The following PCDHA7 variants were observed in gnomAD, a reference collection of about 807,000 sequenced individuals.
PCDHA7 encodes protocadherin alpha-7.
PCDHA7 carries 37 observed loss-of-function variants against 57.2 expected under a neutral mutation model. The observed-to-expected ratio is 0.65, with a 90% confidence interval of 0.50 to 0.85. The LOEUF is 0.85. PCDHA7 is among the 40% of genes least tolerant of loss of function. The probability of loss-of-function intolerance (pLI) is 0.00; values close to 1 mark genes in which losing one functional copy is unlikely to be tolerated. For synonymous variants in PCDHA7, 553 were observed against 558.8 expected, an observed-to-expected ratio of 0.99 and a Z score of 0.15; for missense variants, 1,188 against 1,241.8, an observed-to-expected ratio of 0.96 and a Z score of 0.65.
At chr5:140,906,502 CAAAG>C (rs1295778527) in intron 1 of PCDHA7, among the ~76,000 whole-genome samples, 1 of 152,180 alleles carries the variant, frequency 6.6e-6, no homozygotes, top group African/African-American at 2.4e-5. Context: ...ATGTTTTTAA[CAAAG>C]AAGGAGGAAA....
intron 1 of PCDHA7, chr5:140,881,353 G>C (rs537796043): frequency 1.0e-6 from 1 of 985,060 alleles, no homozygotes; most frequent in African/African-American, 1.7e-5. Flanking sequence ...GCTACAATGC[G>C]TGGCTTTCGT....
Position 140,843,584 on chromosome 5 carries a change from C to T in PCDHA7, c.2355+6846C>T. On this transcript the variant is annotated intron_variant, in intron 1 of 3. Coordinates refer to ENST00000525929, the MANE Select transcript of PCDHA7 (RefSeq NM_018910.3). The stretch of plus-strand genomic sequence containing the variant: ...GAGCTGGTCATACTCGCAACAACAG[C>T]CGCAGAGGGTGTGCTCTGGTGAGGG... 1.9e-6 allele frequency: 3 copies of T among 1,595,998 alleles called. No homozygotes were observed. In the East Asian group the frequency reaches 6.7e-5, roughly 36 times the overall value.
intron 1 of PCDHA7, among the ~76,000 whole-genome samples, chr5:140,906,797 A>G (rs2072940556): frequency 6.6e-6 from 1 of 151,964 alleles, no homozygotes; most frequent in African/African-American, 2.4e-5. Context: ...TTCCATGCAT[A>G]CTCTTCCTTA....
intron 1 of PCDHA7, chr5:140,863,475 C>T: frequency 2.1e-6 from 1 of 481,584 alleles, no homozygotes; most frequent in South Asian, 1.6e-5. Flanking sequence ...TGGAGAGTCG[C>T]CTCCCAAGGT....
Position 141,009,697 on chromosome 5 carries a change from C to T in PCDHA7, c.2574C>T (p.Tyr858=), listed in dbSNP as rs1554262284. ...ACAGCAACAGCTGGACCTTTAAATA[C>T]GGACCAGGCAACCCCAAACAATCCG... ...GVNSNSWTFK[Y]GPGNPKQSGP... The change falls in exon 4 of 4, where the codon TAC becomes TAT. Residue 858 remains tyrosine (Y), a synonymous_variant. Coordinates refer to ENST00000525929, the MANE Select transcript of PCDHA7 (RefSeq NM_018910.3). 1.1e-5 allele frequency: 17 copies of T among 1,613,952 alleles called. No individual in the cohort carries two copies. The highest frequency in any genetic ancestry group is 1.1e-5 in the South Asian group (1 of 91,066).
At position 140,857,927 on chromosome 5, in the gene PCDHA7, A is replaced by C. The variant is rs1554150876; in HGVS notation, c.2355+21189A>C. ...CATCCCGTTTCGCGTGGGGCTGTAC[A>C]CGGGCGAGATCAGTACGACGCGCGC... On this transcript the variant is annotated intron_variant, in intron 1 of 3. Transcript: ENST00000525929. The C allele has an allele frequency of 1.9e-6, 3 of 1,597,510 alleles. 1 individual carries two copies. Among genetic ancestry groups the C allele is most frequent in the Non-Finnish European group, 2.6e-6 (3 of 1,167,484 alleles).
At chr5:140,841,992 G>T (rs782125762) in intron 1 of PCDHA7, 1 of 1,613,646 alleles carries the variant, frequency 6.2e-7, no homozygotes, top group African/African-American at 1.3e-5. Context: ...GAGCTCACAG[G>T]CACTGTTCAG....
At chr5:140,906,487 CA>C (rs1346198597) in intron 1 of PCDHA7, among the ~76,000 whole-genome samples, 1 of 152,180 alleles carries the variant, frequency 6.6e-6, no homozygotes, top group Non-Finnish European at 1.5e-5. Context: ...TATAAATGCA[CA>C]AACATGTTTT....
chr5:140,918,680 C>A (rs1291001659), intron 1 of PCDHA7, among the ~76,000 whole-genome samples: 2 of 152,084 alleles, frequency 1.3e-5, no homozygotes, highest in Admixed American at 1.3e-4. Flanking sequence ...GAGGTGAGAC[C>A]TTTCAAACAT....
chr5:140,987,789 G>T (rs1356794638), intron 3 of PCDHA7, among the ~76,000 whole-genome samples: 2 of 152,136 alleles, frequency 1.3e-5, no homozygotes, highest in African/African-American at 4.8e-5. Context: ...CTATAGAGAA[G>T]ATTTTTTTAA....
chr5:140,951,252 A>G (rs568359458), intron 1 of PCDHA7, among the ~76,000 whole-genome samples: 1 of 151,856 alleles, frequency 6.6e-6, no homozygotes, highest in African/African-American at 2.4e-5. Context: ...AATGCATCAC[A>G]TTTTTCTGGT....
At chr5:140,962,716 G>A (rs1268660102) in intron 1 of PCDHA7, among the ~76,000 whole-genome samples, 2 of 152,304 alleles carry the variant, frequency 1.3e-5, no homozygotes, top group East Asian at 3.9e-4. Context: ...ATATTGGAAA[G>A]TATTTTCCTT....
intron 1 of PCDHA7, chr5:140,863,439 T>C (rs781855193): frequency 3.3e-6 from 2 of 606,238 alleles, no homozygotes; most frequent in East Asian, 4.7e-5. Context: ...GATCTGGTCT[T>C]ACTCGCAGCA....
chr5:140,848,975 A>G lies in PCDHA7; in HGVS notation c.2355+12237A>G, dbSNP rs2040717769. 3 of 1,601,024 alleles carry G rather than the reference A, an allele frequency of 1.9e-6. No homozygotes were observed. The East Asian group carries it at 6.7e-5, about 36-fold the overall frequency. ...TTCCACTAGAGGGCGCGTCCGATGC[A>G]GATATCGGGGAGAACGCCCTGCTCA... On this transcript the variant is annotated intron_variant, in intron 1 of 3. Transcript: ENST00000525929.
intron 1 of PCDHA7, among the ~76,000 whole-genome samples, chr5:140,931,212 T>A (rs556351535): frequency 3.5e-4 from 54 of 152,168 alleles, no homozygotes; most frequent in Non-Finnish European, 3.5e-4. Context: ...GTATTTCAGG[T>A]ATCAGAGCAC....
chr5:140,883,747 G>A (rs781812387), intron 1 of PCDHA7: 5 of 1,613,274 alleles, frequency 3.1e-6, no homozygotes, highest in South Asian at 2.2e-5. Context: ...TCTCCTACTC[G>A]CTGGTGGAGC....
At chr5:140,914,923 T>C (rs2076880546) in intron 1 of PCDHA7, among the ~76,000 whole-genome samples, 1 of 151,134 alleles carries the variant, frequency 6.6e-6, no homozygotes, top group Admixed American at 6.6e-5. Context: ...TGTCTTATTG[T>C]ACTATGTTGT....
Position 140,857,792 on chromosome 5 carries a change from C to T in PCDHA7, c.2355+21054C>T, listed in dbSNP as rs368399538. 21 of 1,597,428 alleles carry T rather than the reference C, an allele frequency of 1.3e-5. 1 individual carries two copies. In the African/African-American group the frequency reaches 2.6e-4, roughly 19 times the overall value. On this transcript the variant is annotated intron_variant, in intron 1 of 3. Coordinates refer to ENST00000525929, the MANE Select transcript of PCDHA7 (RefSeq NM_018910.3). ...CGGTGCAGTCAGTGAGCTGGTGCTGCGGTCGGTGGTTGCGGGTCACGTGGT... is the reference window on the plus strand; with the variant it reads ...CGGTGCAGTCAGTGAGCTGGTGCTGTGGTCGGTGGTTGCGGGTCACGTGGT...
In PCDHA7 at chr5:140,834,289, T is replaced by G; in HGVS notation, c.-95T>G. ...CTTTCACTCTTTGGATGCACAACAA[T>G]GGCCACACATCGAGATTGAAATGAA... On this transcript the variant is annotated 5_prime_UTR_variant, in exon 1 of 4. An upstream start codon of the reference 5' UTR is lost. Transcript: ENST00000525929. 8.4e-7 allele frequency: 1 copy of G among 1,186,076 alleles called. No individual in the cohort carries two copies. The highest frequency in any genetic ancestry group is 1.2e-6 in the Non-Finnish European group (1 of 833,276). 73.5% of individuals were successfully genotyped at this position (1,186,076 alleles called of 1,614,324 possible). A position where few individuals can be genotyped will look rare whatever the true frequency, so the allele number is the denominator to read the frequency against.
Sources: allele counts gnomAD v4.1 joint callset (sites outside exome capture counted in the v4.1 genomes callset), GRCh38; gene constraint gnomAD v4.1.1; transcripts MANE v1.5; gene names NCBI Gene and HGNC (gene_info 2026-07-23, HGNC 2026-07-21).